Variants in TRPM3 observed in about 807,000 individuals in gnomAD.
TRPM3 encodes the protein transient receptor potential cation channel subfamily M member 3.
Under a neutral mutation model 181.2 loss-of-function variants are expected in TRPM3, and 77 were observed. That is an observed-to-expected ratio of 0.42 (90% confidence interval 0.35 to 0.51). TRPM3 has a LOEUF of 0.51. Ranked by LOEUF, TRPM3 falls within the 20% of genes least tolerant of loss-of-function variation. TRPM3 has a pLI of 0.01. For missense variants in TRPM3, 1,759 were observed against 2,196.7 expected (o/e 0.80, Z 3.98); for synonymous variants, 745 against 796.4 (o/e 0.94, Z 1.09).
intron 1 of TRPM3, among the ~76,000 whole-genome samples, chr9:71,063,605 G>A (rs904614188): frequency 1.3e-4 from 20 of 152,102 alleles, no homozygotes; most frequent in African/African-American, 4.6e-4. Flanking sequence ...AGGCAGGAGA[G>A]CATAGCTAAT....
At position 71,006,350 on chromosome 9, in the gene TRPM3, C is replaced by A. The variant is rs1011815028; in HGVS notation, c.177+114828G>T. 3.9e-5 allele frequency among the ~76,000 whole-genome samples: 6 copies of A among 151,908 alleles called. No individual in the cohort carries two copies. In the East Asian group the frequency reaches 9.7e-4, roughly 24 times the overall value. ...GAAAACCCGTACTTATCAATAATAACCTTGAATGTAAATGAATTAAATTCT... is the reference window on the plus strand; with the variant it reads ...GAAAACCCGTACTTATCAATAATAAACTTGAATGTAAATGAATTAAATTCT... On this transcript the variant is annotated intron_variant, in intron 1 of 25. Coordinates refer to ENST00000677713, the MANE Select transcript of TRPM3 (RefSeq NM_001366145.2).
At chr9:71,121,625 C>G, upstream of TRPM3, 3 of 1,201,544 alleles carry the variant, frequency 2.5e-6, no homozygotes, top group Non-Finnish European at 3.1e-6. Flanking sequence ...CCAGAATGCG[C>G]GCTCCCTCTC....
chr9:70,892,175 G>A (rs1357223457), intron 1 of TRPM3, among the ~76,000 whole-genome samples: 1 of 152,100 alleles, frequency 6.6e-6, no homozygotes, highest in Non-Finnish European at 1.5e-5. Context: ...TAACGTTTTG[G>A]AAGACTATAT....
At chr9:70,699,832 T>C (rs760742307) in intron 8 of TRPM3, among the ~76,000 whole-genome samples, 6 of 152,058 alleles carry the variant, frequency 3.9e-5, no homozygotes, top group Admixed American at 6.6e-5. Context: ...AGTGTGGTTG[T>C]GATGCAGGGG....
chr9:71,167,308 A>T (rs1219990268), intron 1 of TRPM3, among the ~76,000 whole-genome samples: 1 of 152,184 alleles, frequency 6.6e-6, no homozygotes, highest in Non-Finnish European at 1.5e-5. Context: ...CCTCAAGACC[A>T]CTAGGTATGA....
At chr9:70,898,747 C>CAA (rs34952516) in intron 1 of TRPM3, among the ~76,000 whole-genome samples, 22 of 93,300 alleles carry the variant, frequency 2.4e-4, no homozygotes, top group Admixed American at 4.7e-4. Flanking sequence ...GACTTCATCT[C>CAA]AAAAAAAAAA....
intron 6 of TRPM3, among the ~76,000 whole-genome samples, chr9:70,804,435 G>A (rs2090143874): frequency 1.3e-5 from 2 of 152,154 alleles, no homozygotes; most frequent in Non-Finnish European, 2.9e-5. Context: ...TCCCTTGTGT[G>A]GTGTGCACTG....
intron 1 of TRPM3, among the ~76,000 whole-genome samples, chr9:71,032,191 A>AATATATTATATATGCTATATATT (rs1565026153): frequency 8.3e-6 from 1 of 120,368 alleles, no homozygotes. Flanking sequence ...TATATTATAT[A>AATATATTATATATGCTATATATT]ATATAATATA....
intron 1 of TRPM3, among the ~76,000 whole-genome samples, chr9:71,032,288 T>C (rs1262795637): frequency 6.9e-6 from 1 of 144,402 alleles, no homozygotes; most frequent in Non-Finnish European, 1.5e-5. Flanking sequence ...TCATTCTAAA[T>C]CTACATACAT....
At chr9:70,915,449 C>A (rs1009866619) in intron 1 of TRPM3, among the ~76,000 whole-genome samples, 6 of 151,744 alleles carry the variant, frequency 4.0e-5, no homozygotes, top group Non-Finnish European at 7.4e-5. Flanking sequence ...AGGCGCCCAC[C>A]ACCATGCCCG....
At chr9:71,121,102 C>T in intron 1 of TRPM3, 76 bp downstream of exon 1, 1 of 1,480,096 alleles carries the variant, frequency 6.8e-7, no homozygotes, top group Non-Finnish European at 9.3e-7. Context: ...AGGTGCGTCC[C>T]AGCCCAAGTC....
At chr9:70,692,124 G>T (rs183824930) in intron 8 of TRPM3, among the ~76,000 whole-genome samples, 2 of 152,192 alleles carry the variant, frequency 1.3e-5, no homozygotes, top group Non-Finnish European at 2.9e-5. Flanking sequence ...GAGCATATTT[G>T]TGAAATACTA....
intron 1 of TRPM3, among the ~76,000 whole-genome samples, chr9:71,098,083 T>C (rs1049762385): frequency 6.6e-6 from 1 of 152,146 alleles, no homozygotes; most frequent in African/African-American, 2.4e-5. Context: ...AATTTCACTG[T>C]GTGACAATAG....
intron 1 of TRPM3, among the ~76,000 whole-genome samples, chr9:71,170,382 A>G (rs1403700671): frequency 1.3e-5 from 2 of 152,206 alleles, no homozygotes; most frequent in Admixed American, 6.5e-5. Context: ...CAGGATAAGT[A>G]GCAGCACTGT....
chr9:70,954,539 C>A (rs993702194), intron 1 of TRPM3, among the ~76,000 whole-genome samples: 2 of 151,754 alleles, frequency 1.3e-5, no homozygotes, highest in Non-Finnish European at 2.9e-5. Context: ...GTAGATTTTA[C>A]GTTGCTTTTT....
intron 1 of TRPM3, among the ~76,000 whole-genome samples, chr9:70,884,417 C>A (rs2096053759): frequency 6.6e-6 from 1 of 152,176 alleles, no homozygotes; most frequent in Non-Finnish European, 1.5e-5. Context: ...TGAAAGCATG[C>A]AGAACTAAAT....
intron 22 of TRPM3, among the ~76,000 whole-genome samples, chr9:70,568,079 G>T (rs1172232980): frequency 2.0e-5 from 3 of 152,180 alleles, no homozygotes; most frequent in Non-Finnish European, 2.9e-5. Context: ...GCCTGAATTG[G>T]ATATGTGAAC....
At chr9:71,097,077 T>C (rs114769383) in intron 1 of TRPM3, among the ~76,000 whole-genome samples, 2,112 of 152,276 alleles carry the variant, frequency 0.014, 40 homozygotes, top group African/African-American at 0.048. Context: ...TTCCCGACTC[T>C]GGCAGCTTTC....
intron 1 of TRPM3, among the ~76,000 whole-genome samples, chr9:70,981,383 T>C (rs1243485208): frequency 6.6e-6 from 1 of 152,176 alleles, no homozygotes; most frequent in Non-Finnish European, 1.5e-5. Context: ...TTAGCAAAGA[T>C]TGTTTTCTTG....
Sources: gnomAD v4.1 joint callset for allele counts (sites outside exome capture counted in the v4.1 genomes callset) on GRCh38, gnomAD v4.1.1 for gene constraint, MANE v1.5 for transcripts, NCBI Gene and HGNC (gene_info 2026-07-23, HGNC 2026-07-21) for gene names.